The following PAPSS2 variants were observed in gnomAD, a reference collection of about 807,000 sequenced individuals.
PAPSS2 encodes the protein 3'-phosphoadenosine 5'-phosphosulfate synthase 2, also known as bifunctional 3'-phosphoadenosine 5'-phosphosulfate synthase 2.
Under a neutral mutation model 66.5 loss-of-function variants are expected in PAPSS2, and 61 were observed. The ratio of observed to expected loss-of-function variants is 0.92; its 90% CI spans 0.75 to 1.14. The LOEUF is 1.14. Among genes scored for constraint, PAPSS2 ranks in the 50% most tolerant of loss-of-function variants. The pLI is 0.00. For synonymous variants in PAPSS2, 289 were observed against 287.5 expected (o/e 1.01, Z -0.05); for missense variants, 708 against 789.6 (o/e 0.90, Z 1.24).
intron 1 of PAPSS2, among the ~76,000 whole-genome samples, chr10:87,673,689 C>CA (rs749811014): frequency 2.3e-3 from 156 of 67,420 alleles, no homozygotes; most frequent in South Asian, 5.2e-3. Flanking sequence ...TTTTGGCTTA[C>CA]TTTTTTTTTT....
chr10:87,728,866 CT>C (rs1174338869), intron 9 of PAPSS2, among the ~76,000 whole-genome samples: 1 of 152,174 alleles, frequency 6.6e-6, no homozygotes, highest in Non-Finnish European at 1.5e-5. Context: ...TAGGAAAGAC[CT>C]TTTAAGTCCC....
intron 1 of PAPSS2, among the ~76,000 whole-genome samples, chr10:87,670,162 G>A (rs1169995146): frequency 6.6e-6 from 1 of 152,218 alleles, no homozygotes; most frequent in Non-Finnish European, 1.5e-5. Context: ...ACCTGTATGG[G>A]TAATAGTTTT....
intron 1 of PAPSS2, among the ~76,000 whole-genome samples, chr10:87,701,330 T>TCC (rs1184419791): frequency 0.012 from 585 of 49,784 alleles, 2 homozygotes; most frequent in South Asian, 0.038. Context: ...CTTCCTTCCT[T>TCC]TCTTTCTTTC....
At chr10:87,714,312 T>TA (rs1853504984) in intron 4 of PAPSS2, 130 bp downstream of exon 4, 2 of 928,400 alleles carry the variant, frequency 2.2e-6, no homozygotes, top group African/African-American at 3.2e-5. Flanking sequence ...CACAACTTTT[T>TA]ATCAGATCAT....
In PAPSS2 at chr10:87,659,980, G is replaced by C; in HGVS notation, c.-2G>C. ...ACCCGGGCTCCGCCGCAGCCAGCCA[G>C]CATGTCGGGGATCAAGAAGCAAAAG... On this transcript the variant is annotated 5_prime_UTR_variant, in exon 1 of 13. Coordinates refer to ENST00000456849, the MANE Select transcript of PAPSS2 (RefSeq NM_001015880.2). 1 of 1,613,254 alleles carries C rather than the reference G, an allele frequency of 6.2e-7. No individual in the cohort carries two copies. The highest frequency in any genetic ancestry group is 1.1e-5 in the South Asian group (1 of 90,994).
intron 1 of PAPSS2, among the ~76,000 whole-genome samples, chr10:87,675,910 A>AG (rs1463024625): frequency 6.6e-6 from 1 of 150,552 alleles, no homozygotes; most frequent in African/African-American, 2.5e-5. Context: ...AACATGCCTG[A>AG]GGGCCACCGG....
intron 9 of PAPSS2, 80 bp from the exon 10 acceptor site, chr10:87,741,155 T>C: frequency 7.2e-7 from 1 of 1,389,434 alleles, no homozygotes; most frequent in Admixed American, 1.7e-5. Context: ...TAACCCGAGA[T>C]TGGTCTAAAA....
chr10:87,704,133 A>G, intron 1 of PAPSS2: 1 of 423,842 alleles, frequency 2.4e-6, no homozygotes, highest in South Asian at 1.7e-5. Context: ...CTCAAGGGTG[A>G]TTTTGAAATA....
At chr10:87,726,731 C>CA (rs1399376428) in intron 8 of PAPSS2, among the ~76,000 whole-genome samples, 14 of 152,220 alleles carry the variant, frequency 9.2e-5, no homozygotes, top group African/African-American at 2.6e-4. Context: ...ACTTATTATA[C>CA]AAAAAATGCA....
intron 1 of PAPSS2, 93 bp downstream of exon 1, chr10:87,660,101 C>T: frequency 1.5e-6 from 2 of 1,329,418 alleles, no homozygotes; most frequent in Non-Finnish European, 2.1e-6. Context: ...TCCCACCCTC[C>T]CCGGGAGGGG....
At chr10:87,741,991 C>T (rs1333284441) in intron 10 of PAPSS2, among the ~76,000 whole-genome samples, 1 of 152,134 alleles carries the variant, frequency 6.6e-6, no homozygotes, top group Non-Finnish European at 1.5e-5. Flanking sequence ...CTCCTGGGCT[C>T]AAGCAATCTC....
In PAPSS2 at chr10:87,661,587, G is replaced by T. The variant is rs190663644; in HGVS notation, c.27+1579G>T. ...TGATGGGGGACTTTGTCAAGCATTAGAAAGGGACGAGGTGGTCTCTCCTCT... is the reference window on the plus strand; with the variant it reads ...TGATGGGGGACTTTGTCAAGCATTATAAAGGGACGAGGTGGTCTCTCCTCT... On this transcript the variant is annotated intron_variant, in intron 1 of 12. Transcript: ENST00000456849. Among the ~76,000 whole-genome samples, 10 of 152,234 alleles carry T rather than the reference G, an allele frequency of 6.6e-5. No homozygotes were observed. In the East Asian group the frequency reaches 1.9e-3, roughly 29 times the overall value.
At chr10:87,678,354 A>G (rs955690737) in intron 1 of PAPSS2, among the ~76,000 whole-genome samples, 5 of 152,300 alleles carry the variant, frequency 3.3e-5, no homozygotes, top group African/African-American at 1.2e-4. Context: ...AGAAGAAAAC[A>G]CAGGGAAAAC....
intron 9 of PAPSS2, 23 bp from the exon 10 acceptor site, chr10:87,741,212 A>G (rs1481295331): frequency 1.2e-6 from 2 of 1,611,926 alleles, no homozygotes; most frequent in Non-Finnish European, 1.7e-6. Flanking sequence ...AATCATTAGC[A>G]ATCATAACAA....
At chr10:87,707,387 T>A (rs1455976562) in intron 1 of PAPSS2, among the ~76,000 whole-genome samples, 1 of 152,008 alleles carries the variant, frequency 6.6e-6, no homozygotes, top group Non-Finnish European at 1.5e-5. Context: ...GTTTGGGGGG[T>A]GTCTACAGTG....
chr10:87,710,558 C>T (rs1467014567), intron 2 of PAPSS2, among the ~76,000 whole-genome samples: 2 of 152,120 alleles, frequency 1.3e-5, no homozygotes, highest in East Asian at 3.8e-4. Flanking sequence ...GCTATACACA[C>T]AAAGTCCATT....
chr10:87,680,726 C>G, intron 1 of PAPSS2, among the ~76,000 whole-genome samples: 1 of 152,040 alleles, frequency 6.6e-6, no homozygotes, highest in Admixed American at 6.6e-5. Flanking sequence ...TCATAACTGG[C>G]ACACAGATTA....
chr10:87,673,689 C>CTTTTTTTTTTTTTTT (rs34935261), intron 1 of PAPSS2, among the ~76,000 whole-genome samples: 1 of 67,424 alleles, frequency 1.5e-5, no homozygotes, highest in Non-Finnish European at 2.9e-5. Context: ...TTTTGGCTTA[C>CTTTTTTTTTTTTTTT]TTTTTTTTTT....
At chr10:87,715,885 A>G (rs776521888) in intron 7 of PAPSS2, 42 bp downstream of exon 7, 7 of 987,140 alleles carry the variant, frequency 7.1e-6, no homozygotes, top group African/African-American at 3.5e-5. Flanking sequence ...TTGTTAAGGA[A>G]AAAAAAAAAT....
Sources: gnomAD v4.1 joint callset for allele counts (sites outside exome capture counted in the v4.1 genomes callset) on GRCh38, gnomAD v4.1.1 for gene constraint, MANE v1.5 for transcripts, NCBI Gene and HGNC (gene_info 2026-07-23, HGNC 2026-07-21) for gene names.